The following KIAA1549L variants were observed in gnomAD, a reference collection of about 807,000 sequenced individuals.
KIAA1549L encodes the protein UPF0606 protein KIAA1549L.
KIAA1549L carries 88 observed loss-of-function variants against 160.7 expected under a neutral mutation model. The ratio of observed to expected loss-of-function variants is 0.55; its 90% CI spans 0.46 to 0.65. KIAA1549L has a LOEUF of 0.65. Ranked by LOEUF, KIAA1549L falls within the 30% of genes least tolerant of loss-of-function variation. The pLI, the probability that KIAA1549L is intolerant of heterozygous loss-of-function variation, is 0.00. For missense variants in KIAA1549L, 2,258 were observed against 2,437.5 expected, an observed-to-expected ratio of 0.93 and a Z score of 1.55; for synonymous variants, 950 against 976.7, an observed-to-expected ratio of 0.97 and a Z score of 0.51.
rs1374560127 is a variant in KIAA1549L at position 33,671,616 on chromosome 11, A to ACACACACACACACACC, written c.*3463_*3464insACACACACACACACCC. Reference sequence around the variant, plus strand: ...CACACACACACACACACACACACACACCCTACTTCGGAGAGAGAATGTAGA... The same window carrying ACACACACACACACACC: ...CACACACACACACACACACACACACACACACACACACACACCCCCTACTTCGGAGAGAGAATGTAGA... On this transcript the variant is annotated 3_prime_UTR_variant, in exon 21 of 21. Coordinates refer to ENST00000658780, the MANE Select transcript of KIAA1549L (RefSeq NM_012194.3). 3 of 150,878 alleles carry ACACACACACACACACC rather than the reference A, an allele frequency of 2.0e-5. No homozygotes were observed. Among genetic ancestry groups the ACACACACACACACACC allele is most frequent in the Non-Finnish European group, 2.9e-5 (2 of 67,810 alleles). The allele number at this position is 150,878 out of a possible 1,614,324, so 9.3% of individuals were successfully genotyped here.
intron 1 of KIAA1549L, among the ~76,000 whole-genome samples, chr11:33,490,890 A>C (rs1172275322): frequency 6.6e-6 from 1 of 152,232 alleles, no homozygotes; most frequent in Non-Finnish European, 1.5e-5. Context: ...ACAAGACAAC[A>C]GGTAATGCCC....
At chr11:33,653,445 A>G (rs1437651137) in intron 17 of KIAA1549L, among the ~76,000 whole-genome samples, 21 of 152,216 alleles carry the variant, frequency 1.4e-4, no homozygotes, top group Admixed American at 1.3e-3. Context: ...TTTGCATTCC[A>G]TGTCTTCTGG....
chr11:33,394,608 G>A (rs1850337031), intron 1 of KIAA1549L, among the ~76,000 whole-genome samples: 1 of 152,150 alleles, frequency 6.6e-6, no homozygotes, highest in Non-Finnish European at 1.5e-5. Flanking sequence ...CTTTTAGACG[G>A]GGCATCTGTC....
At chr11:33,609,991 A>G in intron 15 of KIAA1549L, 25 bp downstream of exon 15, 1 of 1,579,062 alleles carries the variant, frequency 6.3e-7, no homozygotes, top group Non-Finnish European at 8.7e-7. Flanking sequence ...GGATTCTGTA[A>G]AGGGTGCTGT....
At chr11:33,501,662 C>T (rs910638437) in intron 1 of KIAA1549L, among the ~76,000 whole-genome samples, 1 of 152,068 alleles carries the variant, frequency 6.6e-6, no homozygotes, top group Admixed American at 6.6e-5. Flanking sequence ...AGATAATTAT[C>T]TTTTTTTCTG....
intron 1 of KIAA1549L, among the ~76,000 whole-genome samples, chr11:33,392,272 C>A (rs944107301): frequency 6.6e-5 from 10 of 152,154 alleles, no homozygotes; most frequent in South Asian, 2.1e-4. Context: ...ATAGTAAACA[C>A]CCCTATATCT....
At chr11:33,586,864 G>A (rs559969074) in intron 11 of KIAA1549L, among the ~76,000 whole-genome samples, 75 of 152,210 alleles carry the variant, frequency 4.9e-4, no homozygotes, top group Admixed American at 2.0e-4. Context: ...TTGAACTATA[G>A]TGAAGATGCA....
chr11:33,560,586 C>T (rs1854821462), intron 7 of KIAA1549L, among the ~76,000 whole-genome samples: 1 of 152,178 alleles, frequency 6.6e-6, no homozygotes, highest in African/African-American at 2.4e-5. Flanking sequence ...TACCATGCAA[C>T]AGGCATAGAT....
intron 1 of KIAA1549L, among the ~76,000 whole-genome samples, chr11:33,378,939 T>A (rs927940030): frequency 6.6e-6 from 1 of 152,220 alleles, no homozygotes; most frequent in African/African-American, 2.4e-5. Context: ...GAAGAAGTGG[T>A]GTCAAGAGGG....
intron 1 of KIAA1549L, among the ~76,000 whole-genome samples, chr11:33,482,291 TC>T (rs1299178834): frequency 5.3e-5 from 8 of 151,898 alleles, no homozygotes; most frequent in African/African-American, 1.4e-4. Context: ...TCTATTTTTT[TC>T]TTCACAATTT....
At chr11:33,656,818 G>A (rs1231567544) in intron 18 of KIAA1549L, among the ~76,000 whole-genome samples, 2 of 152,124 alleles carry the variant, frequency 1.3e-5, no homozygotes, top group South Asian at 2.1e-4. Flanking sequence ...CCTCGGAATA[G>A]GAGGGACCCC....
intron 19 of KIAA1549L, among the ~76,000 whole-genome samples, chr11:33,660,092 G>T (rs1439785703): frequency 6.6e-6 from 1 of 152,254 alleles, no homozygotes; most frequent in African/African-American, 2.4e-5. Flanking sequence ...AAATTCCAGA[G>T]CACTACTAGT....
chr11:33,545,387 C>A lies in KIAA1549L; in HGVS notation c.3385+9C>A. On this transcript the variant is annotated intron_variant, in intron 3 of 20. Coordinates refer to ENST00000658780, the MANE Select transcript of KIAA1549L (RefSeq NM_012194.3). ...GCTCCTGGTGAAGACAGGTATGAGA[C>A]CACTGTTCTGATCTGAAAGCAGCAA... 1 of 1,597,918 alleles carries A rather than the reference C, an allele frequency of 6.3e-7. No individual in the cohort carries two copies. Among genetic ancestry groups the A allele is most frequent in the South Asian group, 1.1e-5 (1 of 89,754 alleles).
intron 1 of KIAA1549L, among the ~76,000 whole-genome samples, chr11:33,457,010 A>G (rs916747598): frequency 1.3e-5 from 2 of 152,192 alleles, no homozygotes; most frequent in Admixed American, 1.3e-4. Context: ...GAGAAGGTCA[A>G]GGATCACGGA....
Position 33,609,742 on chromosome 11 carries a change from TC to T in KIAA1549L, c.5062-3del. 1.9e-6 allele frequency: 3 copies of T among 1,596,982 alleles called. No homozygotes were observed. The highest frequency in any genetic ancestry group is 2.6e-6 in the Non-Finnish European group (3 of 1,172,110). ...AGGTTTGGGCCTGAGACTGCCTCTCTCCCCAGGTGAACAAAGCCCTGAAGCA... is the reference window on the plus strand; with the variant it reads ...AGGTTTGGGCCTGAGACTGCCTCTCTCCCAGGTGAACAAAGCCCTGAAGCA... On this transcript the variant is annotated splice_region_variant and splice_polypyrimidine_tract_variant and intron_variant, in intron 14 of 20. Coordinates refer to ENST00000658780, the MANE Select transcript of KIAA1549L (RefSeq NM_012194.3).
chr11:33,518,343 A>C (rs912398948), intron 1 of KIAA1549L, among the ~76,000 whole-genome samples: 2 of 152,110 alleles, frequency 1.3e-5, no homozygotes, highest in Non-Finnish European at 2.9e-5. Flanking sequence ...TTTGCTTTAC[A>C]TGTAAATGGG....
At chr11:33,639,468 C>T (rs984326868) in intron 16 of KIAA1549L, among the ~76,000 whole-genome samples, 1 of 152,134 alleles carries the variant, frequency 6.6e-6, no homozygotes, top group Non-Finnish European at 1.5e-5. Context: ...CGTGTATATC[C>T]TCTCACCTGG....
intron 17 of KIAA1549L, among the ~76,000 whole-genome samples, chr11:33,654,639 A>T (rs1852001472): frequency 6.6e-6 from 1 of 152,050 alleles, no homozygotes; most frequent in Non-Finnish European, 1.5e-5. Flanking sequence ...CCAAGGCTTG[A>T]TCTCTTCATC....
At chr11:33,519,675 A>G (rs1041523414) in intron 1 of KIAA1549L, among the ~76,000 whole-genome samples, 3 of 152,194 alleles carry the variant, frequency 2.0e-5, no homozygotes, top group Non-Finnish European at 2.9e-5. Flanking sequence ...TAAAATTCTG[A>G]CCTCAGAACA....
Sources: gnomAD v4.1 joint callset for allele counts (sites outside exome capture counted in the v4.1 genomes callset) on GRCh38, gnomAD v4.1.1 for gene constraint, MANE v1.5 for transcripts, NCBI Gene and HGNC (gene_info 2026-07-23, HGNC 2026-07-21) for gene names.